Variants in ADAMTSL1 observed in about 807,000 individuals in gnomAD.
ADAMTSL1 encodes the protein ADAMTS like 1, also known as ADAMTS-like protein 1.
In ADAMTSL1, 126 loss-of-function variants were observed where a neutral mutation model predicts 201.8. That is an observed-to-expected ratio of 0.62 (90% CI 0.54 to 0.72). The LOEUF (loss-of-function observed/expected upper bound fraction) is 0.72. Ranked by LOEUF, ADAMTSL1 falls within the 30% of genes least tolerant of loss-of-function variation. The probability of loss-of-function intolerance (pLI) is 0.00; values close to 1 mark genes in which losing one functional copy is unlikely to be tolerated. For missense variants in ADAMTSL1, 2,679 were observed against 2,277.8 expected (o/e 1.18, Z -3.59); for synonymous variants, 1,121 against 903.4 (o/e 1.24, Z -4.32).
At chr9:18,443,473 G>C (rs756188342) in intron 2 of ADAMTSL1, among the ~76,000 whole-genome samples, 22 of 152,200 alleles carry the variant, frequency 1.4e-4, no homozygotes, top group Non-Finnish European at 2.8e-4. Context: ...CAAAGTTAGT[G>C]AGGTATTCTT....
chr9:17,926,488 A>G (rs530599412), intron 1 of ADAMTSL1, among the ~76,000 whole-genome samples: 1 of 152,120 alleles, frequency 6.6e-6, no homozygotes, highest in South Asian at 2.1e-4. Context: ...CTCAACCCGC[A>G]TTTCCATAGC....
intron 2 of ADAMTSL1, among the ~76,000 whole-genome samples, chr9:18,423,677 G>A (rs759578398): frequency 2.6e-5 from 4 of 152,248 alleles, no homozygotes; most frequent in South Asian, 2.1e-4. Flanking sequence ...ATAGGAGCAC[G>A]CTTTTGGAGG....
intron 1 of ADAMTSL1, among the ~76,000 whole-genome samples, chr9:17,947,571 T>A (rs552581563): frequency 5.3e-5 from 8 of 152,268 alleles, no homozygotes; most frequent in African/African-American, 1.9e-4. Flanking sequence ...AATTTGCAAT[T>A]GCAGTTGCAA....
intron 2 of ADAMTSL1, among the ~76,000 whole-genome samples, chr9:18,464,915 C>T (rs1820945691): frequency 6.6e-6 from 1 of 152,128 alleles, no homozygotes; most frequent in South Asian, 2.1e-4. Context: ...TTCTGAGCTT[C>T]CTAGTAGCCA....
intron 26 of ADAMTSL1, among the ~76,000 whole-genome samples, chr9:18,899,115 T>C (rs926695647): frequency 2.0e-5 from 3 of 152,190 alleles, no homozygotes; most frequent in African/African-American, 7.2e-5. Context: ...GATACAAAAT[T>C]AATGTGCAAA....
chr9:18,472,096 G>A (rs1306631946), upstream of ADAMTSL1, among the ~76,000 whole-genome samples: 1 of 152,136 alleles, frequency 6.6e-6, no homozygotes, highest in Admixed American at 6.5e-5. Context: ...TAGGTAAAAT[G>A]TTCCATTAAT....
At chr9:18,025,482 G>T (rs1820653536) in intron 1 of ADAMTSL1, among the ~76,000 whole-genome samples, 1 of 152,108 alleles carries the variant, frequency 6.6e-6, no homozygotes, top group African/African-American at 2.4e-5. Context: ...TGGTTAGCCA[G>T]TTATCCCAGC....
chr9:18,275,750 C>T (rs1397922644), intron 2 of ADAMTSL1, among the ~76,000 whole-genome samples: 1 of 152,088 alleles, frequency 6.6e-6, no homozygotes, highest in South Asian at 2.1e-4. Context: ...ATTTGTTAAT[C>T]CTTTAGTGAG....
intron 2 of ADAMTSL1, among the ~76,000 whole-genome samples, chr9:18,294,202 T>C (rs1430264019): frequency 6.6e-6 from 1 of 152,220 alleles, no homozygotes; most frequent in African/African-American, 2.4e-5. Flanking sequence ...TGGAGTGGTT[T>C]TCTTAAAGTT....
intron 2 of ADAMTSL1, among the ~76,000 whole-genome samples, chr9:18,411,142 G>A (rs1056610207): frequency 5.3e-5 from 8 of 150,314 alleles, no homozygotes; most frequent in African/African-American, 7.4e-5. Context: ...GATTTCAGGC[G>A]TGAGCCACTG....
intron 23 of ADAMTSL1, among the ~76,000 whole-genome samples, chr9:18,862,981 A>T (rs973768620): frequency 2.6e-5 from 4 of 152,214 alleles, no homozygotes; most frequent in African/African-American, 9.7e-5. Flanking sequence ...GGTAGGTTCA[A>T]TTCTGATCAA....
chr9:18,486,418 G>A (rs1283155973), intron 1 of ADAMTSL1, among the ~76,000 whole-genome samples: 2 of 152,144 alleles, frequency 1.3e-5, no homozygotes, highest in Non-Finnish European at 2.9e-5. Context: ...GGGCAATCCT[G>A]GCCTAGCCAG....
In ADAMTSL1 at chr9:18,893,097, T is replaced by A. The variant is rs556198697; in HGVS notation, c.4851+501T>A. Reference sequence around the variant, plus strand: ...GCTGGAGACTCCTTTCTGGAGCTTCTACTAACCCCTCCTTATTTCCAGTGA... The same window carrying A: ...GCTGGAGACTCCTTTCTGGAGCTTCAACTAACCCCTCCTTATTTCCAGTGA... On this transcript the variant is annotated intron_variant, in intron 26 of 28. Transcript: ENST00000380548. Among the ~76,000 whole-genome samples, 11 of 152,064 alleles carry A rather than the reference T, an allele frequency of 7.2e-5. No individual in the cohort carries two copies. In the East Asian group the frequency reaches 1.9e-3, roughly 27 times the overall value.
intron 16 of ADAMTSL1, among the ~76,000 whole-genome samples, chr9:18,759,370 T>A (rs975173269): frequency 1.3e-5 from 2 of 152,228 alleles, no homozygotes; most frequent in African/African-American, 4.8e-5. Flanking sequence ...ATTTTCTAGA[T>A]TTAAACATAC....
chr9:17,963,443 A>G (rs919299239), intron 1 of ADAMTSL1, among the ~76,000 whole-genome samples: 1 of 152,194 alleles, frequency 6.6e-6, no homozygotes, highest in Admixed American at 6.5e-5. Context: ...CTATTTAAAG[A>G]AAACAATTGT....
intron 1 of ADAMTSL1, among the ~76,000 whole-genome samples, chr9:17,932,261 G>T: frequency 6.6e-6 from 1 of 152,162 alleles, no homozygotes; most frequent in East Asian, 1.9e-4. Flanking sequence ...AGCCACATCT[G>T]TTGAGACCTG....
chr9:18,305,501 G>A (rs567854555), intron 2 of ADAMTSL1, among the ~76,000 whole-genome samples: 5 of 152,190 alleles, frequency 3.3e-5, no homozygotes, highest in Non-Finnish European at 7.3e-5. Flanking sequence ...GTCTATCTGG[G>A]ATGCTCAAGC....
chr9:18,063,906 A>C (rs193276011), intron 1 of ADAMTSL1, among the ~76,000 whole-genome samples: 28 of 152,220 alleles, frequency 1.8e-4, no homozygotes, highest in African/African-American at 6.5e-4. Context: ...GGTGTTCTGC[A>C]CCAGAGCCAG....
intron 1 of ADAMTSL1, among the ~76,000 whole-genome samples, chr9:18,006,088 G>A (rs554463489): frequency 1.4e-5 from 2 of 146,448 alleles, no homozygotes; most frequent in South Asian, 2.2e-4. Flanking sequence ...CACCACTCGG[G>A]AAAAAAAAAA....
Sources: gnomAD v4.1 joint callset for allele counts (sites outside exome capture counted in the v4.1 genomes callset) on GRCh38, gnomAD v4.1.1 for gene constraint, MANE v1.5 for transcripts, NCBI Gene and HGNC (gene_info 2026-07-23, HGNC 2026-07-21) for gene names.